Variants in TCF20 observed in about 807,000 individuals in gnomAD.
The protein encoded by TCF20 is SPRE-binding protein.
TCF20 carries 3 observed loss-of-function variants against 148.6 expected under a neutral mutation model. That is an observed-to-expected ratio of 0.02 (90% CI 0.01 to 0.05). The LOEUF is 0.05. Ranked by LOEUF, TCF20 falls within the 10% of genes least tolerant of loss-of-function variation. TCF20 has a pLI of 1.00. For missense variants in TCF20, 2,350 were observed against 2,429.3 expected, an observed-to-expected ratio of 0.97 and a Z score of 0.69; for synonymous variants, 1,049 against 909.5, an observed-to-expected ratio of 1.15 and a Z score of -2.76.
At chr22:42,193,540 C>G (rs1937447409) in intron 2 of TCF20, among the ~76,000 whole-genome samples, 1 of 152,058 alleles carries the variant, frequency 6.6e-6, no homozygotes. Flanking sequence ...GTTGCCCAAG[C>G]TGGTCTCAAA....
chr22:42,277,396 G>C (rs1926803426), intron 1 of TCF20, among the ~76,000 whole-genome samples: 1 of 152,232 alleles, frequency 6.6e-6, no homozygotes, highest in Non-Finnish European at 1.5e-5. Flanking sequence ...ATACAAATTA[G>C]TAAGAAAGTG....
At chr22:42,202,928 T>A (rs1483211896) in intron 2 of TCF20, among the ~76,000 whole-genome samples, 7 of 152,218 alleles carry the variant, frequency 4.6e-5, no homozygotes, top group Non-Finnish European at 8.8e-5. Context: ...GACAGGAGTT[T>A]AACTTCACAT....
intron 1 of TCF20, among the ~76,000 whole-genome samples, chr22:42,255,282 C>G (rs772062836): frequency 2.0e-5 from 3 of 151,948 alleles, no homozygotes; most frequent in Non-Finnish European, 4.4e-5. Context: ...GTCAGGAAAT[C>G]GAGACCATCT....
At chr22:42,271,677 G>T (rs1926626675), upstream of TCF20, among the ~76,000 whole-genome samples, 1 of 152,152 alleles carries the variant, frequency 6.6e-6, no homozygotes, top group African/African-American at 2.4e-5. Context: ...GGAGAGTTTG[G>T]ATTAGATGTC....
intron 1 of TCF20, among the ~76,000 whole-genome samples, chr22:42,318,696 A>G (rs1020083742): frequency 6.6e-6 from 1 of 152,144 alleles, no homozygotes; most frequent in Admixed American, 6.5e-5. Flanking sequence ...GCTGCAGGTG[A>G]CCTGGGGTTT....
chr22:42,205,653 A>T (rs1360873751), intron 2 of TCF20, among the ~76,000 whole-genome samples: 1 of 152,234 alleles, frequency 6.6e-6, no homozygotes, highest in Non-Finnish European at 1.5e-5. Context: ...AGTTAGTGTA[A>T]TTTTAATTTG....
In TCF20 at chr22:42,290,652, G is replaced by A. The variant is rs934407342; in HGVS notation, c.-37+52827C>T. On this transcript the variant is annotated intron_variant, in intron 1 of 1. Transcript: ENST00000515426. This position sits in a 1 kb window ranked among gnomAD's most constrained non-coding sequence, Gnocchi z 4.2. ...GAGGAGAAGGAGCGCGTGCCCCTGAGCCCACTCGCTGTGGCTGCAGCATAC... is the reference window on the plus strand; with the variant it reads ...GAGGAGAAGGAGCGCGTGCCCCTGAACCCACTCGCTGTGGCTGCAGCATAC... Among the ~76,000 whole-genome samples the A allele has an allele frequency of 1.3e-5, 2 of 152,152 alleles. No homozygotes were observed. Among genetic ancestry groups the A allele is most frequent in the Admixed American group, 6.5e-5 (1 of 15,284 alleles).
chr22:42,254,582 G>A (rs1925616926), intron 1 of TCF20, among the ~76,000 whole-genome samples: 1 of 152,194 alleles, frequency 6.6e-6, no homozygotes, highest in African/African-American at 2.4e-5. Context: ...CCTGCCCTAA[G>A]GCAGGACTCT....
chr22:42,248,082 T>A (rs1925066837), intron 1 of TCF20, among the ~76,000 whole-genome samples: 1 of 152,076 alleles, frequency 6.6e-6, no homozygotes, highest in Admixed American at 6.6e-5. Context: ...CATCCCATGG[T>A]GCTTACATTT....
At chr22:42,175,770 G>A (rs574111997) in intron 3 of TCF20, among the ~76,000 whole-genome samples, 4 of 152,130 alleles carry the variant, frequency 2.6e-5, no homozygotes, top group Non-Finnish European at 5.9e-5. Flanking sequence ...CAGAAGGGAT[G>A]GACTAAAACC....
chr22:42,244,154 C>T (rs1254876347), intron 1 of TCF20, among the ~76,000 whole-genome samples: 2 of 151,964 alleles, frequency 1.3e-5, no homozygotes, highest in South Asian at 2.1e-4. Flanking sequence ...TAGTGATCCA[C>T]GATCATGCCA....
At chr22:42,271,483 T>G (rs1049015602), upstream of TCF20, among the ~76,000 whole-genome samples, 42 of 152,236 alleles carry the variant, frequency 2.8e-4, no homozygotes, top group African/African-American at 9.4e-4. Context: ...AGGAAGGGCT[T>G]GACTTCTTTA....
chr22:42,248,986 C>T (rs1385967564), intron 1 of TCF20, among the ~76,000 whole-genome samples: 2 of 152,066 alleles, frequency 1.3e-5, no homozygotes, highest in African/African-American at 4.8e-5. Flanking sequence ...GATTAGTGTG[C>T]GAGTCTGAGT....
At chr22:42,164,212 C>CTTT (rs56079117) in intron 5 of TCF20, among the ~76,000 whole-genome samples, 33 of 83,472 alleles carry the variant, frequency 4.0e-4, no homozygotes, top group African/African-American at 1.1e-3. Context: ...TCATTTCTTT[C>CTTT]TTTTTTTTTT....
In TCF20 at chr22:42,247,439, C is replaced by CAAA. The variant is rs58249230; in HGVS notation, c.-37+22897_-37+22899dup. ...TGGGTGATAGAGCGAGACTCCATCT[C>CAAA]AAAAAAAAAAAAAAAAAAGATAAGA... is the stretch of plus-strand genomic sequence containing the variant. On this transcript the variant is annotated intron_variant, in intron 1 of 5. Coordinates refer to ENST00000677622, the MANE Select transcript of TCF20 (RefSeq NM_001378418.1). Among the ~76,000 whole-genome samples, 9 of 87,324 alleles carry CAAA rather than the reference C, an allele frequency of 1.0e-4. No individual in the cohort carries two copies. In the East Asian group the frequency reaches 1.3e-3, roughly 13 times the overall value. The allele number at this position is 87,324 out of a possible 152,430, so 57.3% of individuals were successfully genotyped here. A position where few individuals can be genotyped will look rare whatever the true frequency, so the allele number is the denominator to read the frequency against.
At chr22:42,223,235 T>A (rs1054202346) in intron 1 of TCF20, among the ~76,000 whole-genome samples, 4 of 152,174 alleles carry the variant, frequency 2.6e-5, no homozygotes, top group African/African-American at 9.7e-5. Context: ...AATTAATGAA[T>A]GAGGGGGAAA....
intron 1 of TCF20, among the ~76,000 whole-genome samples, chr22:42,245,480 T>C (rs990756225): frequency 6.6e-6 from 1 of 152,218 alleles, no homozygotes; most frequent in African/African-American, 2.4e-5. Flanking sequence ...AAATTAAATA[T>C]TGTTTCTTTG....
chr22:42,164,249 C>G (rs1366312103), intron 5 of TCF20, among the ~76,000 whole-genome samples: 1 of 124,672 alleles, frequency 8.0e-6, no homozygotes, highest in African/African-American at 3.1e-5. Context: ...GAGTCTCACT[C>G]TGTCGTCCAG....
intron 3 of TCF20, among the ~76,000 whole-genome samples, chr22:42,177,075 T>A (rs1178537981): frequency 1.3e-5 from 2 of 152,134 alleles, no homozygotes; most frequent in African/African-American, 4.8e-5. Flanking sequence ...ATATATATAT[T>A]GAAACATTAC....
Sources: allele counts gnomAD v4.1 joint callset (sites outside exome capture counted in the v4.1 genomes callset), GRCh38; gene constraint gnomAD v4.1.1; non-coding constraint Gnocchi (gnomAD v3.1); transcripts MANE v1.5; gene names NCBI Gene and HGNC (gene_info 2026-07-23, HGNC 2026-07-21).